ADAMTS17: variants seen among roughly 807,000 people sequenced by gnomAD.
ADAMTS17 encodes ADAM metallopeptidase with thrombospondin type 1 motif 17, also known as A disintegrin and metalloproteinase with thrombospondin motifs 17.
In ADAMTS17, 113 loss-of-function variants were observed where a neutral mutation model predicts 141.5. That is an observed-to-expected ratio of 0.80 (90% confidence interval 0.69 to 0.93). The LOEUF (loss-of-function observed/expected upper bound fraction) is 0.93, where lower values mean the gene tolerates loss of function less well. ADAMTS17 is among the 40% of genes least tolerant of loss of function. The pLI is 0.00. For synonymous variants in ADAMTS17, 768 were observed against 630.6 expected (o/e 1.22, Z -3.27); for missense variants, 1,659 against 1,517.9 (o/e 1.09, Z -1.54).
At chr15:100,245,462 T>A (rs990979836) in intron 7 of ADAMTS17, among the ~76,000 whole-genome samples, 1 of 152,252 alleles carries the variant, frequency 6.6e-6, no homozygotes, top group Non-Finnish European at 1.5e-5. Context: ...CTGTGTTTTG[T>A]TGGTCTCTGT....
intron 12 of ADAMTS17, among the ~76,000 whole-genome samples, chr15:100,124,285 G>A (rs28748571): frequency 0.058 from 8,849 of 152,200 alleles, 848 homozygotes; most frequent in African/African-American, 0.2. Flanking sequence ...ACTCCTAAAC[G>A]TGAATAAAAT....
chr15:100,211,686 GAAGAA>G (rs1567362441), intron 7 of ADAMTS17, among the ~76,000 whole-genome samples: 1 of 152,068 alleles, frequency 6.6e-6, no homozygotes, highest in East Asian at 1.9e-4. Context: ...AGGTAAAGAC[GAAGAA>G]AAGACATAAT....
chr15:100,216,303 T>C (rs528939432), intron 7 of ADAMTS17, among the ~76,000 whole-genome samples: 26 of 152,358 alleles, frequency 1.7e-4, no homozygotes, highest in African/African-American at 6.3e-4. Context: ...AGAAAGTATT[T>C]CTCAAGCCAA....
At chr15:100,095,926 A>G (rs547705562) in intron 15 of ADAMTS17, among the ~76,000 whole-genome samples, 1 of 152,376 alleles carries the variant, frequency 6.6e-6, no homozygotes, top group South Asian at 2.1e-4. Flanking sequence ...GTACGGCTTC[A>G]TGCACGTTTT....
chr15:100,141,545 C>G (rs780032854), intron 10 of ADAMTS17, among the ~76,000 whole-genome samples: 14 of 152,186 alleles, frequency 9.2e-5, no homozygotes, highest in Non-Finnish European at 1.6e-4. Context: ...CATACTACTG[C>G]AGTGTGAAGT....
At chr15:100,009,223 C>G (rs538959554) in intron 18 of ADAMTS17, among the ~76,000 whole-genome samples, 1 of 152,284 alleles carries the variant, frequency 6.6e-6, no homozygotes, top group East Asian at 1.9e-4. Context: ...GCTGGTTTCC[C>G]TTTACAGAGG....
At chr15:100,023,108 C>T (rs571394053) in intron 18 of ADAMTS17, among the ~76,000 whole-genome samples, 3 of 152,260 alleles carry the variant, frequency 2.0e-5, no homozygotes, top group Admixed American at 6.5e-5. Context: ...CCTTCAAGAC[C>T]CTGAGAAAAG....
intron 7 of ADAMTS17, among the ~76,000 whole-genome samples, chr15:100,200,992 G>C (rs905812497): frequency 5.3e-5 from 8 of 152,356 alleles, no homozygotes; most frequent in African/African-American, 1.9e-4. Context: ...TCTCAGGAGG[G>C]AAGGAGTTGG....
chr15:100,264,746 G>A (rs1456875530), intron 4 of ADAMTS17, among the ~76,000 whole-genome samples: 4 of 151,976 alleles, frequency 2.6e-5, no homozygotes, highest in African/African-American at 9.7e-5. Context: ...GCCTCCCTTG[G>A]AACAAATGCC....
At chr15:100,307,886 CT>C (rs2045278115) in intron 3 of ADAMTS17, among the ~76,000 whole-genome samples, 1 of 152,212 alleles carries the variant, frequency 6.6e-6, no homozygotes, top group Non-Finnish European at 1.5e-5. Context: ...TAATGGTGCC[CT>C]GCAGAAAGAG....
chr15:100,320,552 G>A lies in ADAMTS17; in HGVS notation c.616+10337C>T, dbSNP rs146902725. 1.6e-3 allele frequency among the ~76,000 whole-genome samples: 251 copies of A among 152,338 alleles called. 1 individual carries two copies. Among genetic ancestry groups the A allele is most frequent in the African/African-American group, 5.6e-3 (234 of 41,580 alleles). The stretch of plus-strand genomic sequence containing the variant: ...ATCGTCACTAAGAATAAGGGCGGAG[G>A]CTGAACACCATGGCCCACACCTGTA... On this transcript the variant is annotated intron_variant, in intron 3 of 21. Coordinates refer to ENST00000268070, the MANE Select transcript of ADAMTS17 (RefSeq NM_139057.4).
At chr15:100,181,085 T>C (rs995488404) in intron 8 of ADAMTS17, among the ~76,000 whole-genome samples, 16 of 152,206 alleles carry the variant, frequency 1.1e-4, no homozygotes, top group African/African-American at 3.9e-4. Flanking sequence ...CCTCTTCCTG[T>C]GGCCACCGCC....
At chr15:100,268,565 CAT>C (rs1206354643) in intron 4 of ADAMTS17, among the ~76,000 whole-genome samples, 1 of 152,170 alleles carries the variant, frequency 6.6e-6, no homozygotes, top group African/African-American at 2.4e-5. Context: ...CATCTTTTCA[CAT>C]GTTTGTTGGC....
chr15:100,024,879 A>G (rs2061476228), intron 18 of ADAMTS17, among the ~76,000 whole-genome samples: 2 of 152,298 alleles, frequency 1.3e-5, no homozygotes, highest in South Asian at 4.1e-4. Flanking sequence ...TCTAGTTGCA[A>G]TGTGACCTGC....
At chr15:99,989,583 G>T (rs2060653363) in intron 20 of ADAMTS17, among the ~76,000 whole-genome samples, 1 of 152,234 alleles carries the variant, frequency 6.6e-6, no homozygotes, top group Non-Finnish European at 1.5e-5. Context: ...TTCTTCAGAT[G>T]ATCCCGAACA....
intron 7 of ADAMTS17, among the ~76,000 whole-genome samples, chr15:100,224,333 T>C (rs2042232688): frequency 6.6e-6 from 1 of 151,986 alleles, no homozygotes; most frequent in African/African-American, 2.4e-5. Context: ...GGGGTACAGA[T>C]ATACCAGGGA....
intron 18 of ADAMTS17, among the ~76,000 whole-genome samples, chr15:100,037,741 A>G (rs1018270819): frequency 6.6e-6 from 1 of 151,870 alleles, no homozygotes; most frequent in Non-Finnish European, 1.5e-5. Context: ...CTTATCAGAT[A>G]TATAATTTGA....
chr15:100,082,843 C>A (rs138231749), intron 15 of ADAMTS17, among the ~76,000 whole-genome samples: 139 of 148,038 alleles, frequency 9.4e-4, no homozygotes, highest in African/African-American at 3.2e-3. Flanking sequence ...CAGGAGGCTG[C>A]AGCTGGGTGG....
chr15:100,096,299 T>C (rs1476891247), intron 15 of ADAMTS17, 57 bp downstream of exon 15: 48 of 1,607,590 alleles, frequency 3.0e-5, no homozygotes, highest in Non-Finnish European at 4.0e-5. Context: ...AATCAATAGC[T>C]GTAGGCAAAG....
Sources: gnomAD v4.1 joint callset for allele counts (sites outside exome capture counted in the v4.1 genomes callset) on GRCh38, gnomAD v4.1.1 for gene constraint, MANE v1.5 for transcripts, NCBI Gene and HGNC (gene_info 2026-07-23, HGNC 2026-07-21) for gene names.